The following IMMP2L variants were observed in gnomAD, a reference collection of about 807,000 sequenced individuals.
IMMP2L encodes inner mitochondrial membrane peptidase subunit 2.
IMMP2L carries 18 observed loss-of-function variants against 19.3 expected under a neutral mutation model. That is an observed-to-expected ratio of 0.93 (90% confidence interval 0.64 to 1.38). The LOEUF (loss-of-function observed/expected upper bound fraction) is 1.38, where lower values mean the gene tolerates loss of function less well. IMMP2L is among the 40% of genes most tolerant of loss of function. The probability of loss-of-function intolerance (pLI) is 0.00; values close to 1 mark genes in which losing one functional copy is unlikely to be tolerated. For missense variants in IMMP2L, 233 were observed against 218.2 expected (o/e 1.07, Z -0.43); for synonymous variants, 76 against 73.0 (o/e 1.04, Z -0.21).
At chr7:111,484,745 A>C (rs1842482249) in intron 3 of IMMP2L, among the ~76,000 whole-genome samples, 1 of 152,184 alleles carries the variant, frequency 6.6e-6, no homozygotes, top group Non-Finnish European at 1.5e-5. Context: ...AAATTGTATG[A>C]AAATACATGG....
chr7:110,679,952 C>A (rs956935454), intron 5 of IMMP2L, among the ~76,000 whole-genome samples: 1 of 152,196 alleles, frequency 6.6e-6, no homozygotes, highest in African/African-American at 2.4e-5. Flanking sequence ...GAGAGACTAA[C>A]ATTTTCTCTG....
chr7:110,907,054 T>TG (rs925083656), intron 4 of IMMP2L, among the ~76,000 whole-genome samples: 1 of 147,360 alleles, frequency 6.8e-6, no homozygotes, highest in Non-Finnish European at 1.5e-5. Context: ...GCAAGGGCAG[T>TG]GGGGGGGATG....
chr7:111,306,962 G>A (rs1822945503), intron 3 of IMMP2L, among the ~76,000 whole-genome samples: 1 of 149,670 alleles, frequency 6.7e-6, no homozygotes, highest in Non-Finnish European at 1.5e-5. Context: ...GATGTTTAAA[G>A]AACTGGTTAA....
chr7:110,791,560 G>T (rs1800461479), intron 5 of IMMP2L, among the ~76,000 whole-genome samples: 1 of 151,666 alleles, frequency 6.6e-6, no homozygotes. Context: ...GGACCAGTAA[G>T]CAAAACAATA....
chr7:111,219,370 T>A (rs977161658), intron 3 of IMMP2L, among the ~76,000 whole-genome samples: 1 of 151,954 alleles, frequency 6.6e-6, no homozygotes, highest in Non-Finnish European at 1.5e-5. Flanking sequence ...CAAGACCTAA[T>A]AAACCAGAAT....
At chr7:111,284,513 C>G (rs78600846) in intron 3 of IMMP2L, among the ~76,000 whole-genome samples, 8,464 of 152,078 alleles carry the variant, frequency 0.056, 317 homozygotes, top group Middle Eastern at 0.099. Flanking sequence ...ATCCATGATT[C>G]TTAGAAGTGG....
At position 111,562,223 on chromosome 7, in the gene IMMP2L, G is replaced by T. The variant is rs1443515711; in HGVS notation, c.-375C>A. ...CCAAGAAGAGGACTAGGCTGGGGTGGCCGCCGCACGCGCCTCAGATAAACA... is the reference window on the plus strand; with the variant it reads ...CCAAGAAGAGGACTAGGCTGGGGTGTCCGCCGCACGCGCCTCAGATAAACA... On this transcript the variant is annotated 5_prime_UTR_variant, in exon 1 of 6. Transcript: ENST00000405709. The T allele has an allele frequency of 2.0e-5, 3 of 152,202 alleles. No homozygotes were observed. Among genetic ancestry groups the T allele is most frequent in the African/African-American group, 7.2e-5 (3 of 41,450 alleles). The allele number at this position is 152,202 out of a possible 1,614,324, so 9.4% of individuals were successfully genotyped here. A position where few individuals can be genotyped will look rare whatever the true frequency, so the allele number is the denominator to read the frequency against.
intron 3 of IMMP2L, among the ~76,000 whole-genome samples, chr7:111,470,010 A>C (rs1013767486): frequency 6.6e-6 from 1 of 152,158 alleles, no homozygotes; most frequent in Admixed American, 6.5e-5. Context: ...TCTACAATGA[A>C]CTCAAACAAA....
chr7:111,016,763 T>C (rs1825647682), intron 3 of IMMP2L, among the ~76,000 whole-genome samples: 1 of 94,910 alleles, frequency 1.1e-5, no homozygotes, highest in African/African-American at 4.4e-5. Flanking sequence ...ATAAATATAG[T>C]TTATATATGC....
intron 3 of IMMP2L, among the ~76,000 whole-genome samples, chr7:110,964,989 G>T (rs1819383181): frequency 6.6e-6 from 1 of 152,018 alleles, no homozygotes; most frequent in African/African-American, 2.4e-5. Context: ...GAGACCTTGA[G>T]TCAGAACCAC....
chr7:110,776,205 C>CA (rs1799377347), intron 5 of IMMP2L, among the ~76,000 whole-genome samples: 1 of 151,838 alleles, frequency 6.6e-6, no homozygotes, highest in Non-Finnish European at 1.5e-5. Context: ...AGATCATAAT[C>CA]AAGAGTCCAC....
At chr7:110,696,446 A>T (rs1209064194) in intron 5 of IMMP2L, among the ~76,000 whole-genome samples, 56 of 27,526 alleles carry the variant, frequency 2.0e-3, no homozygotes, top group African/African-American at 3.3e-3. Flanking sequence ...TTTTTTTTTG[A>T]GACAGAGTCT....
chr7:111,236,727 C>G (rs568291027), intron 3 of IMMP2L, among the ~76,000 whole-genome samples: 3 of 152,096 alleles, frequency 2.0e-5, no homozygotes, highest in Non-Finnish European at 2.9e-5. Flanking sequence ...AACTCTGTCT[C>G]GTCAACCCTA....
intron 4 of IMMP2L, among the ~76,000 whole-genome samples, chr7:110,912,859 C>T (rs759109812): frequency 2.0e-5 from 3 of 151,884 alleles, no homozygotes; most frequent in African/African-American, 7.3e-5. Flanking sequence ...CCCTCACAAC[C>T]CACACTATGA....
At chr7:111,326,841 T>C (rs1825367732) in intron 3 of IMMP2L, among the ~76,000 whole-genome samples, 2 of 151,800 alleles carry the variant, frequency 1.3e-5, no homozygotes, top group African/African-American at 4.8e-5. Context: ...TCAGGTATTA[T>C]CCAAAATAAA....
chr7:111,459,381 TCC>T (rs1281149660), intron 3 of IMMP2L, among the ~76,000 whole-genome samples: 1 of 152,130 alleles, frequency 6.6e-6, no homozygotes, highest in Non-Finnish European at 1.5e-5. Flanking sequence ...AGGAATCTTG[TCC>T]CTTGTGCATA....
intron 4 of IMMP2L, among the ~76,000 whole-genome samples, chr7:110,927,932 T>C (rs889042766): frequency 6.6e-6 from 1 of 152,092 alleles, no homozygotes; most frequent in African/African-American, 2.4e-5. Context: ...GAAGCTCACT[T>C]TGCAGTATCT....
chr7:110,663,468 C>G lies in IMMP2L; in HGVS notation c.*134G>C. On this transcript the variant is annotated 3_prime_UTR_variant, in exon 6 of 6. Transcript: ENST00000405709. Reference sequence around the variant, plus strand: ...AAATTATTTATTTAATAATACAGATCGTTTTAATGTGCTGTAAATATTTCT... The same window carrying G: ...AAATTATTTATTTAATAATACAGATGGTTTTAATGTGCTGTAAATATTTCT... The G allele has an allele frequency of 1.5e-6, 1 of 689,094 alleles. No homozygotes were observed. Among genetic ancestry groups the G allele is most frequent in the South Asian group, 1.8e-5 (1 of 56,014 alleles). 42.7% of individuals were successfully genotyped at this position (689,094 alleles called of 1,614,324 possible).
chr7:111,119,870 G>A (rs2129587247), intron 3 of IMMP2L, among the ~76,000 whole-genome samples: 1 of 152,298 alleles, frequency 6.6e-6, no homozygotes, highest in East Asian at 1.9e-4. Flanking sequence ...GGAGCCATGG[G>A]ACCACTGTGA....
Sources: allele counts gnomAD v4.1 joint callset (sites outside exome capture counted in the v4.1 genomes callset), GRCh38; gene constraint gnomAD v4.1.1; transcripts MANE v1.5; gene names NCBI Gene and HGNC (gene_info 2026-07-23, HGNC 2026-07-21).